The following ALMS1 variants were observed in gnomAD, a reference collection of about 807,000 sequenced individuals.
ALMS1 encodes the protein centrosome-associated protein ALMS1.
In ALMS1, 271 loss-of-function variants were observed where a neutral mutation model predicts 352.2. The observed-to-expected ratio is 0.77, with a 90% confidence interval of 0.70 to 0.85. ALMS1 has a LOEUF of 0.85. Among genes scored for constraint, ALMS1 ranks in the 40% least tolerant of loss-of-function variants. ALMS1 has a pLI of 0.00. For synonymous variants in ALMS1, 1,865 were observed against 1,761.2 expected (o/e 1.06, Z -1.48); for missense variants, 5,445 against 4,870.7 (o/e 1.12, Z -3.51).
In ALMS1 at chr2:73,547,264, A is replaced by G. The variant is rs564890876; in HGVS notation, c.9908-3003A>G. Among the ~76,000 whole-genome samples, 51 of 152,320 alleles carry G rather than the reference A, an allele frequency of 3.3e-4. 1 individual carries two copies. The highest frequency in any genetic ancestry group is 3.0e-3 in the Admixed American group (46 of 15,298). The stretch of plus-strand genomic sequence containing the variant: ...ATTTTCAACCTATGATGGACTTACC[A>G]GGACATAACTACATTGTAAGTGGTG... On this transcript the variant is annotated intron_variant, in intron 12 of 22. Coordinates refer to ENST00000613296, the MANE Select transcript of ALMS1 (RefSeq NM_001378454.1).
At chr2:73,431,171 CA>C (rs1671492596) in intron 6 of ALMS1, among the ~76,000 whole-genome samples, 1 of 151,964 alleles carries the variant, frequency 6.6e-6, no homozygotes, top group African/African-American at 2.4e-5. Flanking sequence ...GTTATGACAG[CA>C]AAAAATGTTT....
intron 21 of ALMS1, among the ~76,000 whole-genome samples, chr2:73,607,007 A>AT (rs546075058): frequency 3.3e-5 from 5 of 152,028 alleles, no homozygotes; most frequent in African/African-American, 4.8e-5. Context: ...GAATCTAGTG[A>AT]TTTTTTTTCC....
intron 1 of ALMS1, 26 bp downstream of exon 1, chr2:73,386,218 GA>G (rs1194911219): frequency 6.7e-7 from 1 of 1,491,110 alleles, no homozygotes; most frequent in Non-Finnish European, 8.9e-7. Flanking sequence ...GAGGGGTGTG[GA>G]GCCGCGGCGA....
intron 9 of ALMS1, among the ~76,000 whole-genome samples, chr2:73,477,184 C>T (rs1216236540): frequency 6.6e-6 from 1 of 152,050 alleles, no homozygotes; most frequent in Non-Finnish European, 1.5e-5. Context: ...TTATGTATGG[C>T]ATGCAAATTC....
rs929255925 is a variant in ALMS1 at position 73,519,919 on chromosome 2, A to C, written c.9684A>C (p.Glu3228Asp). The change falls in exon 11 of 23, where the codon GAA (glutamate) becomes GAC (aspartate). Residue 3228 changes from glutamate to aspartate, a missense_variant. Transcript: ENST00000613296. Reference protein sequence around the residue: ...IFINAEDRGHEIIEPGNQKLR... With the variant: ...IFINAEDRGHDIIEPGNQKLR... ...TTAATGCTGAAGATCGTGGACATGA[A>C]ATTATAGAGCCTGGTAACCAGAAGC... is the stretch of plus-strand genomic sequence containing the variant. 8 of 1,613,994 alleles carry C rather than the reference A, an allele frequency of 5.0e-6. No individual in the cohort carries two copies. The highest frequency in any genetic ancestry group is 5.9e-6 in the Non-Finnish European group (7 of 1,179,994).
intron 9 of ALMS1, among the ~76,000 whole-genome samples, chr2:73,478,937 G>T (rs1332116560): frequency 6.6e-6 from 1 of 152,096 alleles, no homozygotes; most frequent in Non-Finnish European, 1.5e-5. Flanking sequence ...AGAACACGTG[G>T]TGTTTGGTTT....
In ALMS1 at chr2:73,448,755, T is replaced by TTTCAGC. The variant is rs777079310; in HGVS notation, c.2229_2234dup (p.Ser744_Ala745dup). The TTTCAGC allele has an allele frequency of 6.2e-7, 1 of 1,613,954 alleles. No homozygotes were observed. The highest frequency in any genetic ancestry group is 2.2e-5 in the East Asian group (1 of 44,872). On this transcript the variant is annotated inframe_insertion, in exon 8 of 23. Transcript: ENST00000613296. ...CAAACTGAAGAGACTCTTACTAAAG[T>TTTCAGC]TTCAGCCACTCCTGGACCAGCTGAC...
At chr2:73,416,967 C>T (rs982950098) in intron 2 of ALMS1, among the ~76,000 whole-genome samples, 3 of 152,024 alleles carry the variant, frequency 2.0e-5, no homozygotes, top group African/African-American at 4.8e-5. Context: ...TGAGTGCCTG[C>T]CAGTAGTCCC....
At chr2:73,510,108 G>A (rs1673418685) in intron 10 of ALMS1, among the ~76,000 whole-genome samples, 1 of 152,148 alleles carries the variant, frequency 6.6e-6, no homozygotes, top group Admixed American at 6.5e-5. Flanking sequence ...ATTCTAGTTA[G>A]CAATTCCTCT....
intron 14 of ALMS1, 73 bp from the exon 15 acceptor site, chr2:73,558,899 G>A (rs1055555134): frequency 9.5e-6 from 14 of 1,478,158 alleles, no homozygotes; most frequent in Admixed American, 3.6e-5. Flanking sequence ...CACATAATAC[G>A]TACTTGAGAG....
At chr2:73,609,493 A>G in intron 22 of ALMS1, 75 bp from the exon 23 acceptor site, 1 of 1,348,000 alleles carries the variant, frequency 7.4e-7, no homozygotes, top group Middle Eastern at 1.8e-4. Context: ...GGTGACATGG[A>G]TGCAGGGAGG....
At chr2:73,544,522 T>G (rs534217635) in intron 12 of ALMS1, among the ~76,000 whole-genome samples, 1 of 151,822 alleles carries the variant, frequency 6.6e-6, no homozygotes, top group Non-Finnish European at 1.5e-5. Context: ...AGTAAAAAAA[T>G]AAATAAATAA....
chr2:73,454,374 A>T, intron 8 of ALMS1: 1 of 985,220 alleles, frequency 1.0e-6, no homozygotes, highest in Non-Finnish European at 1.2e-6. Context: ...ACAGAGAGTA[A>T]AGAGGTCGCT....
Position 73,559,107 on chromosome 2 carries a change from C to A in ALMS1, c.10349C>A (p.Pro3450Gln). 6.2e-7 allele frequency: 1 copy of A among 1,613,754 alleles called. No individual in the cohort carries two copies. The highest frequency in any genetic ancestry group is 1.1e-5 in the South Asian group (1 of 91,058). Reference sequence around the variant, plus strand: ...AAGACAGTTCCCGAGGAAGCCTGGCCAAACAATAAAGAATCCCTACAGATC... The same window carrying A: ...AAGACAGTTCCCGAGGAAGCCTGGCAAAACAATAAAGAATCCCTACAGATC... ...RKKTVPEEAW[P>Q]NNKESLQINI... Residue 3450 changes from proline to glutamine, a missense_variant, in exon 15 of 23, where the codon CCA (proline) becomes CAA (glutamine). Pro to Gln is a moderately conservative substitution (Grantham distance 76). Coordinates refer to ENST00000613296, the MANE Select transcript of ALMS1 (RefSeq NM_001378454.1).
At position 73,452,251 on chromosome 2, in the gene ALMS1, G is replaced by C. The variant is rs779739318; in HGVS notation, c.5724G>C (p.Gln1908His). ...AGAAGGCCAGTATTTTTCATCAGCAGGAGTTGCCAGATGTTACTGAAGAAG... is the reference window on the plus strand; with the variant it reads ...AGAAGGCCAGTATTTTTCATCAGCACGAGTTGCCAGATGTTACTGAAGAAG... ...NREKASIFHQ[Q>H]ELPDVTEEAL... The change falls in exon 8 of 23, where the codon CAG (glutamine) becomes CAC (histidine). Residue 1908 changes from glutamine (Q) to histidine (H), a missense_variant. Transcript: ENST00000613296. 43 of 1,613,918 alleles carry C rather than the reference G, an allele frequency of 2.7e-5. No homozygotes were observed. In the Middle Eastern group the frequency reaches 8.2e-4, roughly 31 times the overall value.
intron 11 of ALMS1, among the ~76,000 whole-genome samples, chr2:73,531,915 C>T (rs1673924002): frequency 6.6e-6 from 1 of 152,190 alleles, no homozygotes; most frequent in African/African-American, 2.4e-5. Flanking sequence ...AGGTGGGAAC[C>T]ACACTCATAA....
intron 15 of ALMS1, among the ~76,000 whole-genome samples, chr2:73,566,306 G>A (rs1471228017): frequency 6.6e-6 from 1 of 152,144 alleles, no homozygotes; most frequent in African/African-American, 2.4e-5. Context: ...GCACTTTGGG[G>A]CCATTACTAA....
intron 16 of ALMS1, among the ~76,000 whole-genome samples, chr2:73,598,427 A>G (rs1675597946): frequency 6.6e-6 from 1 of 152,146 alleles, no homozygotes; most frequent in Non-Finnish European, 1.5e-5. Context: ...TCAGCCCACT[A>G]GTTTGCAATG....
At chr2:73,486,000 T>A (rs1054307697) in intron 9 of ALMS1, among the ~76,000 whole-genome samples, 1 of 151,940 alleles carries the variant, frequency 6.6e-6, no homozygotes, top group Non-Finnish European at 1.5e-5. Flanking sequence ...ATGAACCCAG[T>A]ACCTCAGATG....
Sources: allele counts gnomAD v4.1 joint callset (sites outside exome capture counted in the v4.1 genomes callset), GRCh38; gene constraint gnomAD v4.1.1; transcripts MANE v1.5; gene names NCBI Gene and HGNC (gene_info 2026-07-23, HGNC 2026-07-21).